Variants in TMEM74 observed in about 807,000 individuals in gnomAD.
TMEM74 encodes transmembrane protein 74.
In TMEM74, 13 loss-of-function variants were observed where a neutral mutation model predicts 18.1. The observed-to-expected ratio is 0.72, with a 90% confidence interval of 0.47 to 1.14. The LOEUF (loss-of-function observed/expected upper bound fraction) is 1.14. Among genes scored for constraint, TMEM74 ranks in the 50% most tolerant of loss-of-function variants. TMEM74 has a pLI of 0.00. For synonymous variants in TMEM74, 159 were observed against 146.6 expected, an observed-to-expected ratio of 1.08 and a Z score of -0.61; for missense variants, 372 against 375.9, an observed-to-expected ratio of 0.99 and a Z score of 0.09.
intron 1 of TMEM74, among the ~76,000 whole-genome samples, chr8:108,717,085 C>T (rs1250662121): frequency 6.6e-6 from 1 of 151,854 alleles, no homozygotes. Context: ...ATAAAATTTG[C>T]ATGATCTTGA....
intron 1 of TMEM74, among the ~76,000 whole-genome samples, chr8:108,667,437 T>A (rs1812959553): frequency 6.6e-6 from 1 of 152,156 alleles, no homozygotes; most frequent in Admixed American, 6.6e-5. Context: ...ACTGAGTAAT[T>A]TTTGATGAGT....
In TMEM74 at chr8:108,781,191, C is replaced by A. The variant is rs1814302543; in HGVS notation, c.*2990G>T. 6.6e-6 allele frequency among the ~76,000 whole-genome samples: 1 copy of A among 152,110 alleles called. No homozygotes were observed. Among genetic ancestry groups the A allele is most frequent in the African/African-American group, 2.4e-5 (1 of 41,430 alleles). ...CCTAGAACCACTGAAATATGTTTTT[C>A]TTCTCTAGGACTAGCAATAAAAACT... is the stretch of plus-strand genomic sequence containing the variant. On this transcript the variant is annotated 3_prime_UTR_variant, in exon 2 of 2. Transcript: ENST00000297459.
intron 1 of TMEM74, among the ~76,000 whole-genome samples, chr8:108,670,148 A>C (rs1274350069): frequency 6.6e-6 from 1 of 152,098 alleles, no homozygotes; most frequent in Non-Finnish European, 1.5e-5. Flanking sequence ...TATAAATAAA[A>C]TGTTCACTCT....
At chr8:108,651,062 T>C (rs1223800315) in intron 2 of TMEM74, among the ~76,000 whole-genome samples, 1 of 152,144 alleles carries the variant, frequency 6.6e-6, no homozygotes, top group Non-Finnish European at 1.5e-5. Flanking sequence ...CTCTACACCG[T>C]TCTGTATCTC....
chr8:108,615,224 T>A (rs1275536248), intron 2 of TMEM74, among the ~76,000 whole-genome samples: 1 of 152,186 alleles, frequency 6.6e-6, no homozygotes, highest in African/African-American at 2.4e-5. Context: ...ATTCCAAGGA[T>A]GGCTTGGAAG....
intron 1 of TMEM74, among the ~76,000 whole-genome samples, chr8:108,725,827 G>T (rs1813631911): frequency 6.6e-6 from 1 of 152,162 alleles, no homozygotes; most frequent in Non-Finnish European, 1.5e-5. Context: ...TGTTATTGCA[G>T]AAATTTGAGA....
chr8:108,631,662 T>A (rs1234661946), intron 2 of TMEM74, among the ~76,000 whole-genome samples: 1 of 152,062 alleles, frequency 6.6e-6, no homozygotes, highest in Non-Finnish European at 1.5e-5. Context: ...GCCCGTTCTG[T>A]AGGTTGTCTG....
intron 1 of TMEM74, among the ~76,000 whole-genome samples, chr8:108,743,565 G>A (rs1563540259): frequency 6.6e-6 from 1 of 152,122 alleles, no homozygotes; most frequent in South Asian, 2.1e-4. Flanking sequence ...TTGAAAGGAG[G>A]TAAGAGGAAA....
chr8:108,692,466 T>C (rs1813240994), intron 1 of TMEM74, among the ~76,000 whole-genome samples: 1 of 152,146 alleles, frequency 6.6e-6, no homozygotes, highest in Non-Finnish European at 1.5e-5. Context: ...TTACTGGCAT[T>C]CCTCTCTTCT....
At position 108,698,126 on chromosome 8, in the gene TMEM74, T is replaced by C. The variant is rs149987430; in HGVS notation, n.120-42689A>G. Among the ~76,000 whole-genome samples the C allele has an allele frequency of 6.3e-3, 960 of 152,292 alleles. 21 individuals carry two copies. The highest frequency in any genetic ancestry group is 0.022 in the African/African-American group (935 of 41,560). ...TATGTATTATCTCTCACTTTCACAGTAATCTTTCAGAATGGTATAATCATT... is the reference window on the plus strand; with the variant it reads ...TATGTATTATCTCTCACTTTCACAGCAATCTTTCAGAATGGTATAATCATT... On this transcript the variant is annotated intron_variant and non_coding_transcript_variant, in intron 1 of 3. Coordinates refer to the TMEM74 transcript ENST00000518838.
At chr8:108,689,752 G>A (rs1382586005) in intron 1 of TMEM74, among the ~76,000 whole-genome samples, 1 of 152,092 alleles carries the variant, frequency 6.6e-6, no homozygotes, top group Non-Finnish European at 1.5e-5. Flanking sequence ...TGGGAGGCTG[G>A]CAATCACCTA....
chr8:108,618,937 C>A (rs1199238285), intron 2 of TMEM74, among the ~76,000 whole-genome samples: 1 of 152,092 alleles, frequency 6.6e-6, no homozygotes, highest in Non-Finnish European at 1.5e-5. Context: ...ATGAGACACC[C>A]CAGGCCCCAT....
chr8:108,703,385 T>C (rs191403627), intron 1 of TMEM74, among the ~76,000 whole-genome samples: 1 of 152,264 alleles, frequency 6.6e-6, no homozygotes, highest in East Asian at 1.9e-4. Context: ...TTAGGAACTG[T>C]TGTATCTAAA....
At chr8:108,667,777 T>C (rs1348126746) in intron 1 of TMEM74, among the ~76,000 whole-genome samples, 1 of 152,044 alleles carries the variant, frequency 6.6e-6, no homozygotes, top group African/African-American at 2.4e-5. Flanking sequence ...ATTCCACACC[T>C]CTCCCTACTG....
At chr8:108,649,693 G>A (rs1438733256) in intron 2 of TMEM74, among the ~76,000 whole-genome samples, 1 of 152,102 alleles carries the variant, frequency 6.6e-6, no homozygotes, top group Non-Finnish European at 1.5e-5. Context: ...ACCCTGCACT[G>A]TCTAATCCTA....
At chr8:108,690,691 A>G (rs939187545) in intron 1 of TMEM74, among the ~76,000 whole-genome samples, 6 of 152,018 alleles carry the variant, frequency 3.9e-5, no homozygotes, top group African/African-American at 1.4e-4. Flanking sequence ...GCATGGTGGC[A>G]GGCGCCTGTA....
intron 2 of TMEM74, among the ~76,000 whole-genome samples, chr8:108,627,749 G>A (rs1188089200): frequency 1.3e-5 from 2 of 151,898 alleles, no homozygotes; most frequent in African/African-American, 4.8e-5. Flanking sequence ...GCTGATTATT[G>A]GGGCTTATTA....
At chr8:108,614,360 G>A (rs80267252) in intron 2 of TMEM74, among the ~76,000 whole-genome samples, 2,453 of 152,058 alleles carry the variant, frequency 0.016, 43 homozygotes, top group Non-Finnish European at 0.022. Flanking sequence ...TGCATATCAA[G>A]GGGATTTGAT....
At chr8:108,777,921 C>T (rs1348328315), downstream of TMEM74, among the ~76,000 whole-genome samples, 3 of 152,018 alleles carry the variant, frequency 2.0e-5, no homozygotes, top group Admixed American at 6.6e-5. Context: ...GCTTAATCTC[C>T]TTTTTTATGA....
Sources: gnomAD v4.1 joint callset for allele counts (sites outside exome capture counted in the v4.1 genomes callset) on GRCh38, gnomAD v4.1.1 for gene constraint, MANE v1.5 for transcripts, NCBI Gene and HGNC (gene_info 2026-07-23, HGNC 2026-07-21) for gene names.